Variants in AOPEP observed in about 807,000 individuals in gnomAD.
The protein encoded by AOPEP is aminopeptidase O (putative).
In AOPEP, 77 loss-of-function variants were observed where a neutral mutation model predicts 98.1. The ratio of observed to expected loss-of-function variants is 0.78; its 90% CI spans 0.65 to 0.95. AOPEP has a LOEUF of 0.95. AOPEP is among the 40% of genes least tolerant of loss of function. The probability of loss-of-function intolerance (pLI) is 0.00; values close to 1 mark genes in which losing one functional copy is unlikely to be tolerated. For synonymous variants in AOPEP, 346 were observed against 365.3 expected, an observed-to-expected ratio of 0.95 and a Z score of 0.60; for missense variants, 1,024 against 1,024.7, an observed-to-expected ratio of 1.00 and a Z score of 0.01.
At chr9:95,128,026 T>C in the AOPEP span, among the ~76,000 whole-genome samples, 1 of 152,248 alleles carries the variant, frequency 6.6e-6, no homozygotes, top group African/African-American at 2.4e-5. Flanking sequence ...TTCTTACAGA[T>C]AAATTCATTA....
rs61741715 is a variant in AOPEP, at chr9:95,086,750, G to A, written c.*73G>A. On this transcript the variant is annotated 3_prime_UTR_variant, in exon 17 of 17. Coordinates refer to ENST00000375315, the MANE Select transcript of AOPEP (RefSeq NM_001193329.3). ...GGGGGACCAGGCTCGAACTGACCCTGGACATCAAAGGAGGGATTATGTGGC... is the reference window on the plus strand; with the variant it reads ...GGGGGACCAGGCTCGAACTGACCCTAGACATCAAAGGAGGGATTATGTGGC... 1,655 of 988,050 alleles carry A rather than the reference G, an allele frequency of 1.7e-3. 26 individuals carry two copies. In the African/African-American group the frequency reaches 0.027, roughly 16 times the overall value. The allele number at this position is 988,050 out of a possible 1,614,324, so 61.2% of individuals were successfully genotyped here.
At chr9:95,129,610 G>A in the AOPEP span, among the ~76,000 whole-genome samples, 1 of 152,184 alleles carries the variant, frequency 6.6e-6, no homozygotes, top group African/African-American at 2.4e-5. Flanking sequence ...TAAACCTTTT[G>A]TGGTTTCCAT....
At chr9:95,076,636 A>T (rs1386714550) in intron 14 of AOPEP, among the ~76,000 whole-genome samples, 2 of 152,204 alleles carry the variant, frequency 1.3e-5, no homozygotes, top group Admixed American at 6.5e-5. Context: ...GCAATCCATG[A>T]AGTTATCTTT....
the AOPEP span, among the ~76,000 whole-genome samples, chr9:95,117,028 G>A: frequency 6.6e-6 from 1 of 152,228 alleles, no homozygotes; most frequent in Non-Finnish European, 1.5e-5. Flanking sequence ...GATCTGGTTG[G>A]CACCAGAAGA....
chr9:95,126,253 A>G, the AOPEP span, among the ~76,000 whole-genome samples: 2 of 152,206 alleles, frequency 1.3e-5, no homozygotes, highest in South Asian at 4.1e-4. Flanking sequence ...ATATTTCATG[A>G]TATTAATGCC....
the AOPEP span, among the ~76,000 whole-genome samples, chr9:95,124,513 G>T: frequency 3.3e-5 from 5 of 152,128 alleles, no homozygotes; most frequent in Non-Finnish European, 5.9e-5. Context: ...TTGGTTTACT[G>T]ACTGTGTCTA....
chr9:94,934,255 C>T (rs1460721260), intron 7 of AOPEP, among the ~76,000 whole-genome samples: 1 of 151,620 alleles, frequency 6.6e-6, no homozygotes, highest in Non-Finnish European at 1.5e-5. Context: ...TGTCCTCCAC[C>T]CTCCCTCCCT....
intron 11 of AOPEP, among the ~76,000 whole-genome samples, chr9:94,985,073 T>C (rs1392023735): frequency 6.6e-6 from 1 of 152,268 alleles, no homozygotes; most frequent in Non-Finnish European, 1.5e-5. Context: ...ACGTGTCTTC[T>C]GTACCTCAGT....
At chr9:94,895,243 A>ATAAAAT (rs58618945) in intron 5 of AOPEP, among the ~76,000 whole-genome samples, 1 of 147,926 alleles carries the variant, frequency 6.8e-6, no homozygotes, top group Non-Finnish European at 1.5e-5. Context: ...ATAAAATAAA[A>ATAAAAT]AAAAAAAATA....
the AOPEP span, among the ~76,000 whole-genome samples, chr9:95,131,502 TCA>T: frequency 2.0e-5 from 3 of 152,210 alleles, no homozygotes; most frequent in Non-Finnish European, 4.4e-5. Flanking sequence ...GCCTCTTTCT[TCA>T]CAGAGACTAT....
chr9:94,859,355 G>A (rs1259490306), intron 5 of AOPEP, among the ~76,000 whole-genome samples: 2 of 152,152 alleles, frequency 1.3e-5, no homozygotes, highest in Non-Finnish European at 2.9e-5. Flanking sequence ...TCAAATCTCT[G>A]TCGGCACTGT....
chr9:94,857,898 C>T (rs10993373), intron 5 of AOPEP, among the ~76,000 whole-genome samples: 2,163 of 152,190 alleles, frequency 0.014, 47 homozygotes, highest in East Asian at 0.09. Flanking sequence ...TTGGTTTTCA[C>T]GTAAGTGCTG....
At chr9:95,149,602 C>G in the AOPEP span, among the ~76,000 whole-genome samples, 19 of 152,002 alleles carry the variant, frequency 1.2e-4, no homozygotes, top group African/African-American at 3.4e-4. Context: ...ACTCAGCCCC[C>G]CTAGTAGCTG....
chr9:94,987,215 G>A (rs926558485), intron 11 of AOPEP, among the ~76,000 whole-genome samples: 1 of 152,236 alleles, frequency 6.6e-6, no homozygotes, highest in Admixed American at 6.5e-5. Context: ...AATAACTGAC[G>A]TAAGGCAGAA....
chr9:95,140,156 A>C, the AOPEP span, among the ~76,000 whole-genome samples: 4 of 152,096 alleles, frequency 2.6e-5, no homozygotes, highest in African/African-American at 9.7e-5. Context: ...TTTAGAATTT[A>C]TGTGTAATAC....
intron 14 of AOPEP, among the ~76,000 whole-genome samples, chr9:95,070,727 A>T (rs1312996764): frequency 2.0e-5 from 3 of 152,272 alleles, no homozygotes; most frequent in Non-Finnish European, 4.4e-5. Context: ...ACGGCAGTGC[A>T]GAGAGCAGTG....
the AOPEP span, among the ~76,000 whole-genome samples, chr9:95,144,282 G>A: frequency 3.1e-4 from 47 of 152,334 alleles, no homozygotes; most frequent in East Asian, 4.0e-3. Context: ...TTGCTGAGCT[G>A]AAGCCACAGG....
Position 94,863,345 on chromosome 9 carries a change from G to A in AOPEP, c.1365-60641G>A, listed in dbSNP as rs757667177. 2.5e-3 allele frequency among the ~76,000 whole-genome samples: 361 copies of A among 145,376 alleles called. 1 individual carries two copies. The highest frequency in any genetic ancestry group is 4.0e-3 in the Non-Finnish European group (270 of 66,926). ...ACCCAGGCTGGAGTGCAGTGGCGTG[G>A]TCTCGGCTCACTGCCAGCTCTGCCT... On this transcript the variant is annotated intron_variant, in intron 5 of 16. Transcript: ENST00000375315.
At chr9:94,802,322 T>C (rs1437597589) in intron 5 of AOPEP, among the ~76,000 whole-genome samples, 1 of 152,188 alleles carries the variant, frequency 6.6e-6, no homozygotes, top group Admixed American at 6.5e-5. Flanking sequence ...TAGCACTTCA[T>C]GAGAATTGCA....
Sources: allele counts gnomAD v4.1 joint callset (sites outside exome capture counted in the v4.1 genomes callset), GRCh38; gene constraint gnomAD v4.1.1; transcripts MANE v1.5; gene names NCBI Gene and HGNC (gene_info 2026-07-23, HGNC 2026-07-21).